ATG4A: variants seen among roughly 807,000 people sequenced by gnomAD.
The protein encoded by ATG4A is autophagy related 4A cysteine peptidase.
ATG4A carries 22 observed loss-of-function variants against 38.4 expected under a neutral mutation model. The ratio of observed to expected loss-of-function variants is 0.57; its 90% CI spans 0.41 to 0.82. The LOEUF is 0.82. Among genes scored for constraint, ATG4A ranks in the 40% least tolerant of loss-of-function variants. The pLI, the probability that ATG4A is intolerant of heterozygous loss-of-function variation, is 0.00. For missense variants in ATG4A, 220 were observed against 290.0 expected, an observed-to-expected ratio of 0.76 and a Z score of 1.75; for synonymous variants, 86 against 100.7, an observed-to-expected ratio of 0.85 and a Z score of 0.88.
chrX:108,120,908 C>T (rs2032632459), intron 1 of ATG4A, among the ~76,000 whole-genome samples: 1 of 112,260 alleles, frequency 8.9e-6, no homozygotes, highest in Non-Finnish European at 1.9e-5. Context: ...TTGAAAATTT[C>T]ACTGTTGTCT....
chrX:108,130,944 G>T (rs1280819977), intron 3 of ATG4A, among the ~76,000 whole-genome samples: 3 of 111,587 alleles, frequency 2.7e-5, no homozygotes, highest in Non-Finnish European at 5.6e-5. Flanking sequence ...TGGACTAAGG[G>T]TTGGTATTCA....
intron 9 of ATG4A, among the ~76,000 whole-genome samples, chrX:108,140,915 T>C (rs1243705450): frequency 2.7e-5 from 2 of 73,180 alleles, no homozygotes; most frequent in East Asian, 6.7e-4. Flanking sequence ...TACATGTACA[T>C]ATACATATAT....
At chrX:108,148,841 G>A (rs973794167) in intron 9 of ATG4A, among the ~76,000 whole-genome samples, 2 of 111,881 alleles carry the variant, frequency 1.8e-5, no homozygotes, top group East Asian at 5.6e-4. Flanking sequence ...CATATGGGGG[G>A]ATTGATTTCT....
chrX:108,091,522 T>C (rs1296488639), upstream of ATG4A: 1 of 1,208,860 alleles, frequency 8.3e-7, no homozygotes, highest in Non-Finnish European at 1.1e-6. Context: ...CCCCTCCATT[T>C]CGCTGTCCCA....
upstream of ATG4A, chrX:108,088,902 A>G (rs768699439): frequency 3.1e-6 from 3 of 956,479 alleles, no homozygotes; most frequent in Non-Finnish European, 4.3e-6. Context: ...CAAAAAAGCA[A>G]GAAAAAAAAT....
chrX:108,120,461 A>T (rs950232498), intron 1 of ATG4A, among the ~76,000 whole-genome samples: 2 of 112,141 alleles, frequency 1.8e-5, no homozygotes, highest in African/African-American at 6.5e-5. Context: ...TTCCAAATGC[A>T]TTTCACTCAG....
chrX:108,153,718 T>C lies in ATG4A; in HGVS notation c.*6T>C. The C allele has an allele frequency of 8.4e-7, 1 of 1,195,950 alleles. No individual in the cohort carries two copies. The highest frequency in any genetic ancestry group is 3.0e-5 in the East Asian group (1 of 33,762). On this transcript the variant is annotated 3_prime_UTR_variant, in exon 13 of 13. Transcript: ENST00000372232. ...TTGAGATTCTGAGTGTGTAGAATCC[T>C]GGGAACTCAACTTGAAGGTCTGTCT...
chrX:108,145,927 A>C (rs1190199614), intron 9 of ATG4A, among the ~76,000 whole-genome samples: 2 of 111,798 alleles, frequency 1.8e-5, no homozygotes, highest in African/African-American at 6.5e-5. Context: ...CCTGACTTAC[A>C]TAAGCCCCTA....
In ATG4A at chrX:108,137,089, A is replaced by G; in HGVS notation, c.468-2A>G. ...GTGACTTCATTATACATTGCTTTGC[A>G]GAAAACTTGCTTTATTTGACGAATG... On this transcript the variant is annotated splice_acceptor_variant, in intron 6 of 12. Coordinates refer to ENST00000372232, the MANE Select transcript of ATG4A (RefSeq NM_052936.5). LOFTEE classifies it high-confidence loss of function. 8.3e-7 allele frequency: 1 copy of G among 1,203,890 alleles called. No homozygotes were observed. Among genetic ancestry groups the G allele is most frequent in the Non-Finnish European group, 1.1e-6 (1 of 889,888 alleles).
At chrX:108,145,317 G>A (rs770538363) in intron 9 of ATG4A, among the ~76,000 whole-genome samples, 1 of 112,583 alleles carries the variant, frequency 8.9e-6, no homozygotes, top group East Asian at 2.8e-4. Context: ...GAGTTCATAT[G>A]CCCCTGAGGT....
chrX:108,152,295 C>T (rs1294322939), intron 11 of ATG4A, among the ~76,000 whole-genome samples: 7 of 111,287 alleles, frequency 6.3e-5, no homozygotes, highest in South Asian at 3.9e-4. Context: ...AGTGCAGTGG[C>T]GGGATCTGGG....
intron 3 of ATG4A, among the ~76,000 whole-genome samples, chrX:108,129,465 G>A (rs1158309965): frequency 9.0e-6 from 1 of 111,641 alleles, no homozygotes; most frequent in Non-Finnish European, 1.9e-5. Context: ...GTAGGAAAAG[G>A]GCCTACAAAT....
intron 1 of ATG4A, among the ~76,000 whole-genome samples, chrX:108,102,803 G>A (rs1175792127): frequency 5.5e-5 from 6 of 109,561 alleles, no homozygotes; most frequent in Admixed American, 9.7e-5. Flanking sequence ...TCTTGCGGGG[G>A]AGTTGGGCTG....
At chrX:108,132,186 A>ACC (rs1249152894) in intron 4 of ATG4A, among the ~76,000 whole-genome samples, 1 of 112,012 alleles carries the variant, frequency 8.9e-6, no homozygotes, top group East Asian at 2.8e-4. Context: ...GGCATGAGCT[A>ACC]CCGCGCCTGG....
At chrX:108,101,361 TGTC>T (rs1434497053) in intron 1 of ATG4A, among the ~76,000 whole-genome samples, 2 of 109,278 alleles carry the variant, frequency 1.8e-5, no homozygotes, top group African/African-American at 3.3e-5. Flanking sequence ...TCATTGATGT[TGTC>T]TGTTGATTTT....
At chrX:108,150,410 C>A in intron 10 of ATG4A, 113 bp downstream of exon 10, 1 of 991,149 alleles carries the variant, frequency 1.0e-6, no homozygotes. Context: ...TCACTATCCC[C>A]ATTAGAGGCA....
rs767023119 is a variant in ATG4A at position 108,091,825 on chromosome X, G to A, written c.-2G>A. The A allele has an allele frequency of 8.3e-7, 1 of 1,212,060 alleles. No homozygotes were observed. The highest frequency in any genetic ancestry group is 1.1e-6 in the Non-Finnish European group (1 of 895,596). Reference sequence around the variant, plus strand: ...GAATTGGCCCAGGATGACAGCTGGAGAATGGAGTCAGGTACGGGGAGCGGC... The same window carrying A: ...GAATTGGCCCAGGATGACAGCTGGAAAATGGAGTCAGGTACGGGGAGCGGC... On this transcript the variant is annotated 5_prime_UTR_variant, in exon 1 of 13. Coordinates refer to ENST00000372232, the MANE Select transcript of ATG4A (RefSeq NM_052936.5).
intron 9 of ATG4A, among the ~76,000 whole-genome samples, chrX:108,144,299 T>C (rs1425465194): frequency 8.9e-6 from 1 of 112,538 alleles, no homozygotes; most frequent in Admixed American, 9.4e-5. Flanking sequence ...GGTAAACCCA[T>C]ATGTGGACTA....
intron 1 of ATG4A, among the ~76,000 whole-genome samples, chrX:108,099,977 G>T (rs1300398024): frequency 9.0e-6 from 1 of 111,236 alleles, no homozygotes; most frequent in East Asian, 2.8e-4. Context: ...GAATAAACTT[G>T]CCTATATCTG....
Sources: gnomAD v4.1 joint callset for allele counts (sites outside exome capture counted in the v4.1 genomes callset) on GRCh38, gnomAD v4.1.1 for gene constraint, MANE v1.5 for transcripts, NCBI Gene and HGNC (gene_info 2026-07-23, HGNC 2026-07-21) for gene names.